Variants in EYS observed in about 807,000 individuals in gnomAD.
EYS encodes the protein protein eyes shut homolog.
Under a neutral mutation model 282.1 loss-of-function variants are expected in EYS, and 250 were observed. That is an observed-to-expected ratio of 0.89 (90% CI 0.80 to 0.98). The LOEUF (loss-of-function observed/expected upper bound fraction) is 0.98, where lower values mean the gene tolerates loss of function less well. Among genes scored for constraint, EYS ranks in the 50% least tolerant of loss-of-function variants. The pLI is 0.00. For missense variants in EYS, 4,016 were observed against 3,709.0 expected, an observed-to-expected ratio of 1.08 and a Z score of -2.15; for synonymous variants, 1,355 against 1,282.9, an observed-to-expected ratio of 1.06 and a Z score of -1.20.
At chr6:64,411,164 T>C (rs1026573681) in intron 28 of EYS, among the ~76,000 whole-genome samples, 2 of 152,116 alleles carry the variant, frequency 1.3e-5, no homozygotes, top group Admixed American at 6.6e-5. Context: ...TATTTAATGA[T>C]ATATTGAAGA....
intron 22 of EYS, among the ~76,000 whole-genome samples, chr6:64,690,380 G>A (rs1257685962): frequency 6.6e-6 from 1 of 152,124 alleles, no homozygotes; most frequent in Non-Finnish European, 1.5e-5. Context: ...ACTGTTGGTG[G>A]GAGTGTAAAC....
chr6:65,487,926 T>C (rs1240302171), intron 5 of EYS, among the ~76,000 whole-genome samples: 1 of 152,198 alleles, frequency 6.6e-6, no homozygotes, highest in East Asian at 1.9e-4. Flanking sequence ...TCCAGGAATT[T>C]ATCCATTTCT....
intron 22 of EYS, among the ~76,000 whole-genome samples, chr6:64,787,816 G>T (rs1458135232): frequency 6.6e-6 from 1 of 150,724 alleles, no homozygotes; most frequent in African/African-American, 2.4e-5. Context: ...GGGAGAATTT[G>T]CTTTCTGGGA....
chr6:65,186,109 G>C lies in EYS; in HGVS notation c.2023+109754C>G, dbSNP rs114002854. 9.8e-3 allele frequency among the ~76,000 whole-genome samples: 1,494 copies of C among 151,728 alleles called. 26 individuals carry two copies. Among genetic ancestry groups the C allele is most frequent in the African/African-American group, 0.034 (1,412 of 41,458 alleles). ...AGATAAGAAATTAAGTAGATAATCTGTCTTAGATATTATCTATTAGCTAAC... is the reference window on the plus strand; with the variant it reads ...AGATAAGAAATTAAGTAGATAATCTCTCTTAGATATTATCTATTAGCTAAC... On this transcript the variant is annotated intron_variant, in intron 12 of 42. Transcript: ENST00000503581.
At chr6:64,239,529 T>C (rs940892648) in intron 30 of EYS, among the ~76,000 whole-genome samples, 2 of 152,136 alleles carry the variant, frequency 1.3e-5, no homozygotes, top group African/African-American at 2.4e-5. Context: ...TTTCATATGT[T>C]TGTTGGCTGC....
chr6:65,201,389 G>C (rs1333530596), intron 12 of EYS, among the ~76,000 whole-genome samples: 1 of 152,078 alleles, frequency 6.6e-6, no homozygotes, highest in Non-Finnish European at 1.5e-5. Context: ...AAATATGCCT[G>C]ATATATTTTA....
Position 65,057,701 on chromosome 6 carries a change from C to T in EYS, c.2050G>A (p.Glu684Lys), listed in dbSNP as rs1429274507. Residue 684 changes from glutamate (E) to lysine (K), a missense_variant, in exon 13 of 43, where the codon GAG becomes AAG. Glu to Lys is a moderately conservative substitution (Grantham distance 56). Coordinates refer to ENST00000503581, the MANE Select transcript of EYS (RefSeq NM_001142800.2). ...TTTTTGCAGGGATGTGAAGCACACT[C>T]ATCTATATCAATTTCACATTGCGTA... Reference protein sequence around the residue: ...KGTQCEIDIDECASHPCKNGA... With the variant: ...KGTQCEIDIDKCASHPCKNGA... 1.3e-6 allele frequency: 2 copies of T among 1,549,970 alleles called. No individual in the cohort carries two copies. The highest frequency in any genetic ancestry group is 2.7e-5 in the African/African-American group (2 of 72,890).
At chr6:64,550,581 A>G (rs1765041913) in intron 26 of EYS, among the ~76,000 whole-genome samples, 1 of 152,154 alleles carries the variant, frequency 6.6e-6, no homozygotes, top group African/African-American at 2.4e-5. Flanking sequence ...CACCACTCTT[A>G]TTCAACATAA....
At chr6:65,055,437 C>T (rs777601954) in intron 13 of EYS, among the ~76,000 whole-genome samples, 100 of 151,974 alleles carry the variant, frequency 6.6e-4, no homozygotes, top group Admixed American at 3.3e-3. Context: ...TATTAATATC[C>T]TATGCTACTA....
chr6:64,329,851 C>A (rs1202762142), intron 29 of EYS, among the ~76,000 whole-genome samples: 4 of 152,140 alleles, frequency 2.6e-5, no homozygotes, highest in African/African-American at 9.7e-5. Flanking sequence ...AACCCATATA[C>A]AATGCTTGGG....
At chr6:63,987,615 T>C (rs1156596207) in intron 34 of EYS, among the ~76,000 whole-genome samples, 1 of 151,672 alleles carries the variant, frequency 6.6e-6, no homozygotes, top group Non-Finnish European at 1.5e-5. Context: ...ATATGGCAGG[T>C]AGATGCAGCA....
chr6:64,854,517 T>A (rs1053845641), intron 19 of EYS, among the ~76,000 whole-genome samples: 3 of 142,670 alleles, frequency 2.1e-5, no homozygotes, highest in Non-Finnish European at 4.5e-5. Flanking sequence ...CTGCATGTTC[T>A]CACTCATAGG....
At chr6:64,232,797 G>A (rs1766466785) in intron 30 of EYS, among the ~76,000 whole-genome samples, 1 of 152,074 alleles carries the variant, frequency 6.6e-6, no homozygotes, top group Admixed American at 6.6e-5. Context: ...AATAATATAA[G>A]TTCTAACACT....
At chr6:65,045,430 T>C (rs1323483167) in intron 13 of EYS, among the ~76,000 whole-genome samples, 1 of 151,834 alleles carries the variant, frequency 6.6e-6, no homozygotes, top group Non-Finnish European at 1.5e-5. Flanking sequence ...TGATTTCCAA[T>C]GTGAAAGTTT....
intron 1 of EYS, among the ~76,000 whole-genome samples, chr6:65,660,780 T>TTGCATG (rs1767977930): frequency 6.6e-6 from 1 of 151,892 alleles, no homozygotes; most frequent in African/African-American, 2.4e-5. Context: ...TTCATTTTAT[T>TTGCATG]TGCATGTGAA....
chr6:65,237,276 C>A (rs935917123), intron 12 of EYS, among the ~76,000 whole-genome samples: 1 of 152,082 alleles, frequency 6.6e-6, no homozygotes, highest in Non-Finnish European at 1.5e-5. Flanking sequence ...AAGTCAGGGG[C>A]CTCTTATAAA....
intron 29 of EYS, among the ~76,000 whole-genome samples, chr6:64,310,407 G>C (rs907111836): frequency 6.6e-6 from 1 of 152,148 alleles, no homozygotes; most frequent in African/African-American, 2.4e-5. Flanking sequence ...CCATGAAAAA[G>C]AACAAAAACA....
At chr6:63,844,169 G>A (rs990745313) in intron 36 of EYS, among the ~76,000 whole-genome samples, 4 of 152,146 alleles carry the variant, frequency 2.6e-5, no homozygotes, top group East Asian at 3.9e-4. Flanking sequence ...TCCACGTCCC[G>A]GCAAAGGACA....
chr6:63,752,150 TC>T (rs1186787603), intron 41 of EYS, among the ~76,000 whole-genome samples: 5 of 152,186 alleles, frequency 3.3e-5, no homozygotes, highest in Non-Finnish European at 7.4e-5. Flanking sequence ...CATATAGTGA[TC>T]CTTTCAATCA....
Sources: allele counts gnomAD v4.1 joint callset (sites outside exome capture counted in the v4.1 genomes callset), GRCh38; gene constraint gnomAD v4.1.1; transcripts MANE v1.5; gene names NCBI Gene and HGNC (gene_info 2026-07-23, HGNC 2026-07-21).